Variants in HS6ST3 observed in about 807,000 individuals in gnomAD.
HS6ST3 encodes the protein heparan sulfate 6-O-sulfotransferase 3, also known as heparan-sulfate 6-O-sulfotransferase 3.
Under a neutral mutation model 36.7 loss-of-function variants are expected in HS6ST3, and 12 were observed. That is an observed-to-expected ratio of 0.33 (90% CI 0.21 to 0.53). The LOEUF (loss-of-function observed/expected upper bound fraction) is 0.53, where lower values mean the gene tolerates loss of function less well. Ranked by LOEUF, HS6ST3 falls within the 20% of genes least tolerant of loss-of-function variation. The pLI, the probability that HS6ST3 is intolerant of heterozygous loss-of-function variation, is 0.95. For missense variants in HS6ST3, 584 were observed against 640.9 expected (o/e 0.91, Z 0.96); for synonymous variants, 240 against 257.5 (o/e 0.93, Z 0.65).
In HS6ST3 at chr13:96,799,964, G is replaced by A. The variant is rs866023865; in HGVS notation, c.708-32526G>A. 7.0e-3 allele frequency among the ~76,000 whole-genome samples: 384 copies of A among 55,198 alleles called. 10 individuals carry two copies. Among genetic ancestry groups the A allele is most frequent in the African/African-American group, 0.042 (285 of 6,784 alleles). 36.2% of individuals were successfully genotyped at this position (55,198 alleles called of 152,430 possible). On this transcript the variant is annotated intron_variant, in intron 1 of 1. Transcript: ENST00000376705. The stretch of plus-strand genomic sequence containing the variant: ...TGTGTGTATATATATATATATATAT[G>A]TGTATATATATATATATGTATATAT...
At chr13:96,438,714 G>A (rs1396210475) in intron 1 of HS6ST3, among the ~76,000 whole-genome samples, 1 of 152,174 alleles carries the variant, frequency 6.6e-6, no homozygotes, top group African/African-American at 2.4e-5. Context: ...TAAATGTCGT[G>A]AGAAATTGTC....
At chr13:96,431,218 A>G (rs1191540439) in intron 1 of HS6ST3, among the ~76,000 whole-genome samples, 1 of 103,368 alleles carries the variant, frequency 9.7e-6, no homozygotes, top group African/African-American at 5.2e-5. Context: ...ACAAAAAACA[A>G]ACAAACAAAC....
At position 96,833,897 on chromosome 13, in the gene HS6ST3, G is replaced by A. The variant is rs926496899; in HGVS notation, c.*699G>A. The A allele has an allele frequency of 6.6e-6, 1 of 152,126 alleles. No homozygotes were observed. The highest frequency in any genetic ancestry group is 1.5e-5 in the Non-Finnish European group (1 of 68,048). 9.4% of individuals were successfully genotyped at this position (152,126 alleles called of 1,614,324 possible). ...GGAACGGGGAGTGGATCCAGGACAG[G>A]GGAGGTTGTAACCCCTGAGAAATGA... On this transcript the variant is annotated 3_prime_UTR_variant, in exon 2 of 2. Coordinates refer to ENST00000376705, the MANE Select transcript of HS6ST3 (RefSeq NM_153456.4).
intron 1 of HS6ST3, among the ~76,000 whole-genome samples, chr13:96,552,206 GGAT>G (rs1319497939): frequency 6.6e-6 from 1 of 152,182 alleles, no homozygotes; most frequent in Non-Finnish European, 1.5e-5. Context: ...CAGAGGCTTA[GGAT>G]GATATTTTTA....
At chr13:96,244,966 C>T (rs2054577782) in intron 1 of HS6ST3, among the ~76,000 whole-genome samples, 1 of 152,140 alleles carries the variant, frequency 6.6e-6, no homozygotes, top group Admixed American at 6.5e-5. Context: ...TATTCACATG[C>T]CTGTGCTCAG....
rs1168031839 is a variant in HS6ST3 at position 96,839,140 on chromosome 13, A to G, written c.*5942A>G. The stretch of plus-strand genomic sequence containing the variant: ...GTTTTGAGGAGCAAAAGTTTTGTGT[A>G]CTTCAGTAATTGTCACATGTGTCTT... On this transcript the variant is annotated 3_prime_UTR_variant, in exon 2 of 2. Transcript: ENST00000376705. The G allele has an allele frequency of 6.6e-6, 1 of 152,186 alleles. No individual in the cohort carries two copies. Among genetic ancestry groups the G allele is most frequent in the African/African-American group, 2.4e-5 (1 of 41,448 alleles). The allele number at this position is 152,186 out of a possible 1,614,324, so 9.4% of individuals were successfully genotyped here. A position where few individuals can be genotyped will look rare whatever the true frequency, so the allele number is the denominator to read the frequency against.
chr13:96,494,288 C>G (rs996595494), intron 1 of HS6ST3, among the ~76,000 whole-genome samples: 1 of 149,752 alleles, frequency 6.7e-6, no homozygotes, highest in African/African-American at 2.5e-5. Context: ...CAAACTATCG[C>G]AAGGACAAAA....
chr13:96,742,377 T>C (rs1053940484), intron 1 of HS6ST3, among the ~76,000 whole-genome samples: 2 of 152,120 alleles, frequency 1.3e-5, no homozygotes, highest in South Asian at 2.1e-4. Context: ...TACAGAGATA[T>C]TCTTTTGAAT....
chr13:96,270,885 C>G (rs1294010037), intron 1 of HS6ST3, among the ~76,000 whole-genome samples: 2 of 151,860 alleles, frequency 1.3e-5, no homozygotes, highest in African/African-American at 4.9e-5. Context: ...ATATGCTTTT[C>G]CTTCCCTGGA....
rs557760936 is a variant in HS6ST3 at position 96,674,624 on chromosome 13, C to T, written c.708-157866C>T. The stretch of plus-strand genomic sequence containing the variant: ...TTCCTCCATGGCCCTCACATGGACT[C>T]GTTGTTGTTGAGTTCGCCTCACTGA... On this transcript the variant is annotated intron_variant, in intron 1 of 1. Coordinates refer to ENST00000376705, the MANE Select transcript of HS6ST3 (RefSeq NM_153456.4). Among the ~76,000 whole-genome samples, 7 of 152,124 alleles carry T rather than the reference C, an allele frequency of 4.6e-5. No homozygotes were observed. In the South Asian group the frequency reaches 1.5e-3, roughly 32 times the overall value.
At chr13:96,408,577 G>C (rs1304599098) in intron 1 of HS6ST3, among the ~76,000 whole-genome samples, 1 of 152,156 alleles carries the variant, frequency 6.6e-6, no homozygotes, top group African/African-American at 2.4e-5. Context: ...AAGATAGTCA[G>C]ATGGGGGTGA....
intron 1 of HS6ST3, among the ~76,000 whole-genome samples, chr13:96,362,977 A>G (rs901287301): frequency 5.9e-5 from 9 of 152,194 alleles, no homozygotes; most frequent in Admixed American, 6.5e-5. Flanking sequence ...AATTATAGAA[A>G]TAGAGCATGG....
At chr13:96,493,280 A>T (rs2055955838) in intron 1 of HS6ST3, among the ~76,000 whole-genome samples, 1 of 152,120 alleles carries the variant, frequency 6.6e-6, no homozygotes, top group African/African-American at 2.4e-5. Flanking sequence ...GAACCTCTAT[A>T]ATCATCCTTC....
At chr13:96,731,300 C>A (rs1876147382) in intron 1 of HS6ST3, among the ~76,000 whole-genome samples, 1 of 152,148 alleles carries the variant, frequency 6.6e-6, no homozygotes, top group Admixed American at 6.5e-5. Context: ...ATGAGATCAA[C>A]TTTTTCATAT....
Position 96,825,396 on chromosome 13 carries a change from G to A in HS6ST3, c.708-7094G>A, listed in dbSNP as rs138358634. On this transcript the variant is annotated intron_variant, in intron 1 of 1. Transcript: ENST00000376705. ...ATTGAAAAGGAAGGATTTGCTAGAA[G>A]GAAAGAAAGAAACAGAAAAGAGGAA... Among the ~76,000 whole-genome samples, 574 of 152,214 alleles carry A rather than the reference G, an allele frequency of 3.8e-3. 3 individuals are homozygous for A. The highest frequency in any genetic ancestry group is 0.013 in the African/African-American group (554 of 41,510).
chr13:96,574,716 C>T (rs113958321), intron 1 of HS6ST3, among the ~76,000 whole-genome samples: 1,599 of 152,250 alleles, frequency 0.011, 26 homozygotes, highest in African/African-American at 0.031. Context: ...CTCAGCCTTC[C>T]CTTAGTATGA....
intron 1 of HS6ST3, among the ~76,000 whole-genome samples, chr13:96,277,803 T>C (rs952972258): frequency 2.0e-5 from 3 of 152,140 alleles, no homozygotes; most frequent in African/African-American, 7.2e-5. Flanking sequence ...ATGAACAAAT[T>C]ATTTTCTATT....
chr13:96,234,274 G>A (rs1248192024), intron 1 of HS6ST3, among the ~76,000 whole-genome samples: 1 of 152,108 alleles, frequency 6.6e-6, no homozygotes, highest in Admixed American at 6.5e-5. Context: ...GCCGGGCATG[G>A]TGGCACGTGC....
chr13:96,284,748 C>CTGCTTGCT (rs72180855), intron 1 of HS6ST3, among the ~76,000 whole-genome samples: 93 of 150,544 alleles, frequency 6.2e-4, no homozygotes, highest in African/African-American at 1.7e-3. Flanking sequence ...GGATACTGGT[C>CTGCTTGCT]TGCTTGCTTG....
Sources: allele counts gnomAD v4.1 joint callset (sites outside exome capture counted in the v4.1 genomes callset), GRCh38; gene constraint gnomAD v4.1.1; transcripts MANE v1.5; gene names NCBI Gene and HGNC (gene_info 2026-07-23, HGNC 2026-07-21).